The following ELF1 variants were observed in gnomAD, a reference collection of about 807,000 sequenced individuals.
The protein encoded by ELF1 is E74 like ETS transcription factor 1, also known as ETS-related transcription factor Elf-1.
Under a neutral mutation model 59.9 loss-of-function variants are expected in ELF1, and 24 were observed. That is an observed-to-expected ratio of 0.40 (90% confidence interval 0.29 to 0.56). The LOEUF (loss-of-function observed/expected upper bound fraction) is 0.56. ELF1 is among the 20% of genes least tolerant of loss of function. The pLI, the probability that ELF1 is intolerant of heterozygous loss-of-function variation, is 0.44. For synonymous variants in ELF1, 248 were observed against 266.2 expected (o/e 0.93, Z 0.67); for missense variants, 627 against 742.2 (o/e 0.84, Z 1.80).
intron 1 of ELF1, among the ~76,000 whole-genome samples, chr13:41,056,434 T>C (rs1237159837): frequency 6.6e-6 from 1 of 152,248 alleles, no homozygotes; most frequent in African/African-American, 2.4e-5. Flanking sequence ...AATGCTGCTA[T>C]AAACATTTGT....
rs4053825 is a variant in ELF1 at position 41,038,066 on chromosome 13, TA to T, written c.-229+22771del. Among the ~76,000 whole-genome samples, 557 of 126,586 alleles carry T rather than the reference TA, an allele frequency of 4.4e-3. 2 individuals carry two copies. Among genetic ancestry groups the T allele is most frequent in the Middle Eastern group, 8.7e-3 (2 of 230 alleles). 83.0% of individuals were successfully genotyped at this position (126,586 alleles called of 152,430 possible). On this transcript the variant is annotated intron_variant, in intron 1 of 1. Coordinates refer to the ELF1 transcript ENST00000405737. ...CTATGTTAGCAAAGTGAAGAAACCTTAAAAAAAAAAAAAAAAAGGAATAGTG... is the reference window on the plus strand; with the variant it reads ...CTATGTTAGCAAAGTGAAGAAACCTTAAAAAAAAAAAAAAAAGGAATAGTG...
chr13:41,055,199 T>C (rs1691275450), intron 1 of ELF1, among the ~76,000 whole-genome samples: 1 of 152,052 alleles, frequency 6.6e-6, no homozygotes, highest in Non-Finnish European at 1.5e-5. Flanking sequence ...TCTTCCTAAG[T>C]ATGAGCCATT....
intron 1 of ELF1, among the ~76,000 whole-genome samples, chr13:41,033,733 A>C (rs1876263569): frequency 6.6e-6 from 1 of 152,156 alleles, no homozygotes; most frequent in African/African-American, 2.4e-5. Flanking sequence ...TTCATCCTGA[A>C]ACCATCCCAC....
intron 1 of ELF1, among the ~76,000 whole-genome samples, chr13:41,042,256 C>T (rs1034581974): frequency 4.0e-5 from 6 of 151,888 alleles, no homozygotes; most frequent in Admixed American, 6.6e-5. Context: ...TCAAGTAATT[C>T]GCCTGCCTGG....
In ELF1 at chr13:40,940,778, C is replaced by A. The variant is rs1870107827; in HGVS notation, c.1256+143G>T. 23 of 877,604 alleles carry A rather than the reference C, an allele frequency of 2.6e-5. No homozygotes were observed. In the East Asian group the frequency reaches 6.2e-4, roughly 24 times the overall value. The allele number at this position is 877,604 out of a possible 1,614,324, so 54.4% of individuals were successfully genotyped here. A position where few individuals can be genotyped will look rare whatever the true frequency, so the allele number is the denominator to read the frequency against. On this transcript the variant is annotated intron_variant, in intron 8 of 8. Transcript: ENST00000239882. ...GAGGACTGACATAATAGTAACTGCT[C>A]CTGAAAAATCTGGTAACCAAGAATT...
At chr13:40,950,234 G>A (rs1870768276) in intron 4 of ELF1, among the ~76,000 whole-genome samples, 1 of 152,196 alleles carries the variant, frequency 6.6e-6, no homozygotes, top group South Asian at 2.1e-4. Flanking sequence ...TCACATTGCT[G>A]TGAGAGTTAT....
upstream of ELF1, among the ~76,000 whole-genome samples, chr13:41,020,121 C>CTA (rs924381383): frequency 8.7e-4 from 132 of 152,340 alleles, no homozygotes; most frequent in African/African-American, 3.0e-3. Flanking sequence ...AGGCACCCTG[C>CTA]TACAGCTCCA....
Position 40,974,469 on chromosome 13 carries a change from C to T in ELF1, c.72+7514G>A, listed in dbSNP as rs145775966. Among the ~76,000 whole-genome samples, 53 of 152,230 alleles carry T rather than the reference C, an allele frequency of 3.5e-4. No individual in the cohort carries two copies. In the East Asian group the frequency reaches 7.2e-3, roughly 21 times the overall value. On this transcript the variant is annotated intron_variant, in intron 2 of 8. Coordinates refer to ENST00000239882, the MANE Select transcript of ELF1 (RefSeq NM_172373.4). ...AGGCAAGTTGCTTCCCTTCGCTGAG[C>T]CTCACTTGACTCTTTTGTAGTGAGA...
intron 1 of ELF1, 23 bp downstream of exon 1, chr13:41,019,205 C>T (rs1469420544): frequency 5.1e-6 from 5 of 985,320 alleles, no homozygotes; most frequent in Non-Finnish European, 6.0e-6. Context: ...CAGAAGCAAA[C>T]ATACAAAATT....
chr13:40,995,182 A>G (rs1874068287), intron 1 of ELF1, among the ~76,000 whole-genome samples: 1 of 152,184 alleles, frequency 6.6e-6, no homozygotes, highest in Non-Finnish European at 1.5e-5. Context: ...TCTTTCATAT[A>G]TTTATTTGAT....
chr13:41,012,912 A>G (rs1285910054), intron 1 of ELF1, among the ~76,000 whole-genome samples: 1 of 152,078 alleles, frequency 6.6e-6, no homozygotes, highest in Non-Finnish European at 1.5e-5. Flanking sequence ...TAACTTTACT[A>G]CATATATATC....
chr13:41,047,029 G>A (rs1876877076), intron 1 of ELF1, among the ~76,000 whole-genome samples: 3 of 151,598 alleles, frequency 2.0e-5, no homozygotes, highest in South Asian at 4.2e-4. Context: ...TCATTTATTT[G>A]ATCTTCAATC....
chr13:41,058,656 C>A (rs1349161286), intron 1 of ELF1, among the ~76,000 whole-genome samples: 1 of 152,194 alleles, frequency 6.6e-6, no homozygotes, highest in Non-Finnish European at 1.5e-5. Flanking sequence ...CCATTTGGTA[C>A]AATGTTGTAA....
intron 1 of ELF1, among the ~76,000 whole-genome samples, chr13:41,003,678 A>G (rs1254462094): frequency 6.6e-6 from 1 of 152,188 alleles, no homozygotes; most frequent in Non-Finnish European, 1.5e-5. Context: ...TATTATTTCC[A>G]TTTATTCAGT....
exon 1 of ELF1, chr13:41,061,227 G>C: frequency 4.3e-6 from 1 of 231,734 alleles, no homozygotes. Context: ...TTTGCGTTCC[G>C]GGCGGAGGCG....
At position 41,059,927 on chromosome 13, in the gene ELF1, T is replaced by C. The variant is rs1411042; in HGVS notation, c.-229+911A>G. On this transcript the variant is annotated intron_variant, in intron 1 of 1. Coordinates refer to the ELF1 transcript ENST00000405737. Reference sequence around the variant, plus strand: ...AATGTTAGACCCTTTGGAAAGTCGATATACTTATTTAAAGCCATCTCATCA... The same window carrying C: ...AATGTTAGACCCTTTGGAAAGTCGACATACTTATTTAAAGCCATCTCATCA... Among the ~76,000 whole-genome samples the C allele has an allele frequency of 2.7e-3, 418 of 152,338 alleles. 8 individuals are homozygous for C. The East Asian group carries it at 0.049, about 18-fold the overall frequency.
At chr13:41,028,780 C>T (rs1707895920) in intron 1 of ELF1, among the ~76,000 whole-genome samples, 1 of 152,166 alleles carries the variant, frequency 6.6e-6, no homozygotes, top group African/African-American at 2.4e-5. Context: ...GTTGCCCAGG[C>T]TGGAGTGAAG....
chr13:41,034,634 TAAAACA>T (rs1315983076), intron 1 of ELF1, among the ~76,000 whole-genome samples: 8 of 152,116 alleles, frequency 5.3e-5, no homozygotes, highest in Non-Finnish European at 1.2e-4. Flanking sequence ...CTGAAAGGGA[TAAAACA>T]GATTCCACCA....
chr13:41,033,480 T>C (rs1049460344), intron 1 of ELF1, among the ~76,000 whole-genome samples: 4 of 152,146 alleles, frequency 2.6e-5, no homozygotes, highest in Non-Finnish European at 4.4e-5. Context: ...TAAATACAAC[T>C]TAGATGACAA....
Sources: allele counts gnomAD v4.1 joint callset (sites outside exome capture counted in the v4.1 genomes callset), GRCh38; gene constraint gnomAD v4.1.1; transcripts MANE v1.5; gene names NCBI Gene and HGNC (gene_info 2026-07-23, HGNC 2026-07-21).